ZC3H14: variants seen among roughly 807,000 people sequenced by gnomAD.
ZC3H14 encodes zinc finger CCCH-type containing 14.
A neutral mutation model predicts 92.4 loss-of-function variants in ZC3H14; 31 were observed. That is an observed-to-expected ratio of 0.34 (90% CI 0.25 to 0.45). The LOEUF is 0.45. Ranked by LOEUF, ZC3H14 falls within the 20% of genes least tolerant of loss-of-function variation. ZC3H14 has a pLI of 1.00. For missense variants in ZC3H14, 781 were observed against 897.3 expected, an observed-to-expected ratio of 0.87 and a Z score of 1.66; for synonymous variants, 321 against 300.9, an observed-to-expected ratio of 1.07 and a Z score of -0.69.
chr14:88,573,375 G>A lies in ZC3H14; in HGVS notation c.861+368G>A, dbSNP rs772297585. ...AGCCTGGGCAACAGAGCGAGACTCC[G>A]TCTCAACCAAAAAAGAAAAAACAAA... is the stretch of plus-strand genomic sequence containing the variant. On this transcript the variant is annotated intron_variant, in intron 6 of 16. Transcript: ENST00000251038. 7.2e-5 allele frequency among the ~76,000 whole-genome samples: 11 copies of A among 151,872 alleles called. No individual in the cohort carries two copies. In the East Asian group the frequency reaches 7.7e-4, roughly 11 times the overall value.
chr14:88,620,640 G>T lies in ZC3H14; in HGVS notation c.*8889G>T. 1.3e-6 allele frequency: 1 copy of T among 789,928 alleles called. No homozygotes were observed. Among genetic ancestry groups the T allele is most frequent in the Non-Finnish European group, 1.8e-6 (1 of 546,166 alleles). The allele number at this position is 789,928 out of a possible 1,614,324, so 48.9% of individuals were successfully genotyped here. A position where few individuals can be genotyped will look rare whatever the true frequency, so the allele number is the denominator to read the frequency against. On this transcript the variant is annotated 3_prime_UTR_variant, in exon 17 of 17. Coordinates refer to ENST00000251038, the MANE Select transcript of ZC3H14 (RefSeq NM_024824.5). This position sits in a 1 kb window ranked among gnomAD's most constrained non-coding sequence, Gnocchi z 4.3. ...TATTTTAGCATACAATTTATAATAC[G>T]GGAAATGCTACAGGCCCTGGGGACC...
chr14:88,583,405 A>G (rs1329780577), intron 9 of ZC3H14, among the ~76,000 whole-genome samples: 1 of 152,128 alleles, frequency 6.6e-6, no homozygotes, highest in Non-Finnish European at 1.5e-5. Flanking sequence ...GGTGTGAGCC[A>G]CTGCACCTGG....
chr14:88,577,235 A>T (rs1240718026), intron 8 of ZC3H14, among the ~76,000 whole-genome samples: 1 of 152,296 alleles, frequency 6.6e-6, no homozygotes, highest in East Asian at 1.9e-4. Flanking sequence ...CTAATGATAT[A>T]TCTACATTTC....
At chr14:88,567,921 T>A in intron 2 of ZC3H14, 118 bp from the exon 3 acceptor site, 1 of 817,054 alleles carries the variant, frequency 1.2e-6, no homozygotes, top group Non-Finnish European at 2.1e-6. Flanking sequence ...TCCAATGTAA[T>A]TCCAGTAGAG....
chr14:88,567,138 C>CA (rs1371789155), intron 2 of ZC3H14, among the ~76,000 whole-genome samples: 1 of 36,872 alleles, frequency 2.7e-5, no homozygotes, highest in Non-Finnish European at 6.9e-5. Flanking sequence ...TTTTTTGAGA[C>CA]AGAGTCTTGC....
In ZC3H14 at chr14:88,572,606, C is replaced by G. The variant is rs886037950; in HGVS notation, c.460C>G (p.Arg154Gly). The G allele has an allele frequency of 6.2e-7, 1 of 1,614,116 alleles. No homozygotes were observed. Among genetic ancestry groups the G allele is most frequent in the Non-Finnish European group, 8.5e-7 (1 of 1,180,036 alleles). ...GACTTACGATGATGGAGCTGCAACC[C>G]GACTAATGTCAACAGTGAAACCTTT... The part of the protein sequence containing the change: ...RQTYDDGAAT[R>G]LMSTVKPLRE... The change falls in exon 6 of 17, where the codon CGA becomes GGA. Residue 154 changes from arginine (R) to glycine (G), a missense_variant. Physicochemically the swap from Arg to Gly is moderately radical, Grantham distance 125. Transcript: ENST00000251038.
intron 6 of ZC3H14, among the ~76,000 whole-genome samples, 198 bp downstream of exon 6, chr14:88,573,205 C>T (rs2080685329): frequency 6.6e-6 from 1 of 151,492 alleles, no homozygotes; most frequent in Non-Finnish European, 1.5e-5. Flanking sequence ...ACGGTGAAAC[C>T]CCGTCTCTAC....
chr14:88,569,307 C>G (rs1012166266), intron 3 of ZC3H14, among the ~76,000 whole-genome samples: 1 of 152,078 alleles, frequency 6.6e-6, no homozygotes, highest in Non-Finnish European at 1.5e-5. Flanking sequence ...TTTTCTGTTT[C>G]TTACTTTTTA....
At chr14:88,611,646 A>G in intron 16 of ZC3H14, 99 bp from the exon 17 acceptor site, 1 of 1,412,870 alleles carries the variant, frequency 7.1e-7, no homozygotes, top group Non-Finnish European at 9.9e-7. Context: ...ATGACCAAAT[A>G]TTTATTGCTT....
intron 2 of ZC3H14, among the ~76,000 whole-genome samples, chr14:88,567,319 G>A (rs1341727376): frequency 1.3e-5 from 2 of 151,238 alleles, no homozygotes; most frequent in South Asian, 2.1e-4. Context: ...GTTTCACTGT[G>A]TTAGCCAGGA....
At chr14:88,600,491 G>A (rs989728332) in intron 10 of ZC3H14, among the ~76,000 whole-genome samples, 10 of 148,730 alleles carry the variant, frequency 6.7e-5, no homozygotes, top group African/African-American at 2.0e-4. Context: ...CACTCGTGCT[G>A]GAGTGCAGTG....
intron 7 of ZC3H14, 42 bp downstream of exon 7, chr14:88,574,895 G>A (rs1167200785): frequency 6.2e-7 from 1 of 1,613,238 alleles, no homozygotes; most frequent in Admixed American, 1.7e-5. Flanking sequence ...AACTGCCTTG[G>A]TGGAGTCTTC....
chr14:88,624,729 G>T lies in ZC3H14; in HGVS notation c.*12978G>T. 1 of 460,794 alleles carries T rather than the reference G, an allele frequency of 2.2e-6. No individual in the cohort carries two copies. Among genetic ancestry groups the T allele is most frequent in the Non-Finnish European group, 3.9e-6 (1 of 259,544 alleles). 28.5% of individuals were successfully genotyped at this position (460,794 alleles called of 1,614,324 possible). ...TTAAGAAAAGTAACTCAACTTGTAG[G>T]ACAACTACCTATCCACACCTCAGAA... On this transcript the variant is annotated 3_prime_UTR_variant, in exon 17 of 17. Coordinates refer to ENST00000251038, the MANE Select transcript of ZC3H14 (RefSeq NM_024824.5).
chr14:88,607,012 CAG>C (rs933925621), intron 12 of ZC3H14, among the ~76,000 whole-genome samples: 6 of 152,224 alleles, frequency 3.9e-5, no homozygotes, highest in African/African-American at 1.4e-4. Flanking sequence ...GCCGTAGTTG[CAG>C]AGTCACTGTC....
At chr14:88,604,370 A>G (rs2085049657) in intron 12 of ZC3H14, among the ~76,000 whole-genome samples, 2 of 152,066 alleles carry the variant, frequency 1.3e-5, no homozygotes, top group Non-Finnish European at 2.9e-5. Context: ...GAAGCTTTGT[A>G]AGATTAGCAT....
chr14:88,621,591 A>G lies in ZC3H14; in HGVS notation c.*9840A>G, dbSNP rs966392663. 9.3e-6 allele frequency: 4 copies of G among 430,552 alleles called. No homozygotes were observed. Among genetic ancestry groups the G allele is most frequent in the Non-Finnish European group, 1.2e-5 (3 of 240,156 alleles). The allele number at this position is 430,552 out of a possible 1,614,324, so 26.7% of individuals were successfully genotyped here. A position where few individuals can be genotyped will look rare whatever the true frequency, so the allele number is the denominator to read the frequency against. On this transcript the variant is annotated 3_prime_UTR_variant, in exon 17 of 17. Coordinates refer to ENST00000251038, the MANE Select transcript of ZC3H14 (RefSeq NM_024824.5). ...ATCAAAGTTTTTATTTGATAATCTT[A>G]GGATTTCCAAACTGGGGTCAGTGCA... is the stretch of plus-strand genomic sequence containing the variant.
chr14:88,609,724 C>G lies in ZC3H14; in HGVS notation c.2018C>G (p.Pro673Arg). The G allele has an allele frequency of 6.2e-7, 1 of 1,614,158 alleles. No homozygotes were observed. Among genetic ancestry groups the G allele is most frequent in the East Asian group, 2.2e-5 (1 of 44,884 alleles). ...VLSPKPAVAPPAPPSSSQLCR... is the reference protein window; with the variant it reads ...VLSPKPAVAPRAPPSSSQLCR... The stretch of plus-strand genomic sequence containing the variant: ...TTTATTTTGTTAGCAGTTGCACCAC[C>G]AGCACCACCTTCCAGTAGTCAGCTC... Residue 673 changes from proline to arginine, a missense_variant, in exon 15 of 17, where the codon CCA (proline) becomes CGA (arginine). By Grantham distance (103) the Pro-to-Arg change is moderately radical. Coordinates refer to ENST00000251038, the MANE Select transcript of ZC3H14 (RefSeq NM_024824.5).
At chr14:88,593,720 AACTC>A (rs2083440354) in intron 9 of ZC3H14, among the ~76,000 whole-genome samples, 1 of 152,224 alleles carries the variant, frequency 6.6e-6, no homozygotes, top group African/African-American at 2.4e-5. Context: ...AAACAAAAAT[AACTC>A]AAAATGGATC....
At position 88,600,485 on chromosome 14, in the gene ZC3H14, C is replaced by T. The variant is rs575215599; in HGVS notation, c.1355-1439C>T. On this transcript the variant is annotated intron_variant, in intron 10 of 16. Coordinates refer to ENST00000251038, the MANE Select transcript of ZC3H14 (RefSeq NM_024824.5). Reference sequence around the variant, plus strand: ...TGAGATGGAGTCTCCCTCTGTCACTCGTGCTGGAGTGCAGTGGCACAATCC... The same window carrying T: ...TGAGATGGAGTCTCCCTCTGTCACTTGTGCTGGAGTGCAGTGGCACAATCC... Among the ~76,000 whole-genome samples, 8 of 150,122 alleles carry T rather than the reference C, an allele frequency of 5.3e-5. No individual in the cohort carries two copies. The South Asian group carries it at 8.4e-4, about 16-fold the overall frequency.
Sources: allele counts gnomAD v4.1 joint callset (sites outside exome capture counted in the v4.1 genomes callset), GRCh38; gene constraint gnomAD v4.1.1; non-coding constraint Gnocchi (gnomAD v3.1); transcripts MANE v1.5; gene names NCBI Gene and HGNC (gene_info 2026-07-23, HGNC 2026-07-21).